The following SORCS2 variants were observed in gnomAD, a reference collection of about 807,000 sequenced individuals.
The protein encoded by SORCS2 is sortilin related VPS10 domain containing receptor 2, also known as VPS10 domain-containing receptor SorCS2.
Under a neutral mutation model 141.6 loss-of-function variants are expected in SORCS2, and 100 were observed. The observed-to-expected ratio is 0.71, with a 90% CI of 0.60 to 0.83. The LOEUF (loss-of-function observed/expected upper bound fraction) is 0.83. SORCS2 is among the 40% of genes least tolerant of loss of function. The pLI, the probability that SORCS2 is intolerant of heterozygous loss-of-function variation, is 0.00. For synonymous variants in SORCS2, 789 were observed against 676.9 expected (o/e 1.17, Z -2.57); for missense variants, 1,646 against 1,560.2 (o/e 1.05, Z -0.93).
Position 7,533,243 on chromosome 4 carries a change from G to C in SORCS2, c.648+1614G>C, listed in dbSNP as rs184558696. Among the ~76,000 whole-genome samples, 318 of 152,308 alleles carry C rather than the reference G, an allele frequency of 2.1e-3. 1 individual carries two copies. Among genetic ancestry groups the C allele is most frequent in the African/African-American group, 7.2e-3 (301 of 41,572 alleles). On this transcript the variant is annotated intron_variant, in intron 3 of 26. Transcript: ENST00000507866. ...GTTGTCCAGGCTTGGCAGCAGTGAGGCCTGTACCTGCTGGAAAACCCAAAC... is the reference window on the plus strand; with the variant it reads ...GTTGTCCAGGCTTGGCAGCAGTGAGCCCTGTACCTGCTGGAAAACCCAAAC...
At chr4:7,278,455 G>A (rs960653980) in intron 1 of SORCS2, among the ~76,000 whole-genome samples, 4 of 152,226 alleles carry the variant, frequency 2.6e-5, no homozygotes, top group Non-Finnish European at 5.9e-5. Context: ...CATGAGGAAG[G>A]CAATTTCCAC....
At chr4:7,358,720 CA>C (rs1258006901) in intron 1 of SORCS2, among the ~76,000 whole-genome samples, 1 of 152,182 alleles carries the variant, frequency 6.6e-6, no homozygotes, top group African/African-American at 2.4e-5. Flanking sequence ...TTCCTAAATA[CA>C]GTTTTTGGAA....
chr4:7,721,186 C>G (rs1462257765), intron 18 of SORCS2, among the ~76,000 whole-genome samples: 1 of 152,180 alleles, frequency 6.6e-6, no homozygotes, highest in Non-Finnish European at 1.5e-5. Context: ...GCAGCAGGGC[C>G]CAGCACGGTG....
rs573731100 is a variant in SORCS2 at position 7,257,775 on chromosome 4, G to T, written c.480+64649G>T. Among the ~76,000 whole-genome samples the T allele has an allele frequency of 9.2e-5, 14 of 152,314 alleles. No individual in the cohort carries two copies. The South Asian group carries it at 2.3e-3, about 25-fold the overall frequency. ...CCCAGCCCCTTGTCCTTCTCTGCCT[G>T]CTCTGTGCCCTGGAGGTGAGTCCAC... On this transcript the variant is annotated intron_variant, in intron 1 of 26. Coordinates refer to ENST00000507866, the MANE Select transcript of SORCS2 (RefSeq NM_020777.3).
chr4:7,311,364 A>C (rs1718173356), intron 1 of SORCS2, among the ~76,000 whole-genome samples: 1 of 152,216 alleles, frequency 6.6e-6, no homozygotes, highest in Non-Finnish European at 1.5e-5. Context: ...TAACAAATGA[A>C]GCTGCTGCCA....
chr4:7,689,169 G>A (rs976876313), intron 10 of SORCS2, among the ~76,000 whole-genome samples: 11 of 152,082 alleles, frequency 7.2e-5, no homozygotes, highest in African/African-American at 2.2e-4. Flanking sequence ...GTGAGCAGAG[G>A]CACCACACCC....
intron 14 of SORCS2, among the ~76,000 whole-genome samples, chr4:7,711,018 G>C (rs1477259061): frequency 6.6e-6 from 1 of 152,220 alleles, no homozygotes; most frequent in East Asian, 1.9e-4. Flanking sequence ...ATGCGGGATG[G>C]AACCAGCCTG....
At chr4:7,449,728 G>T (rs1327194506) in intron 2 of SORCS2, among the ~76,000 whole-genome samples, 1 of 152,106 alleles carries the variant, frequency 6.6e-6, no homozygotes, top group Non-Finnish European at 1.5e-5. Flanking sequence ...CTTCTCAGAA[G>T]ACAGAGTCTG....
chr4:7,280,119 A>G (rs1715772740), intron 1 of SORCS2, among the ~76,000 whole-genome samples: 1 of 152,138 alleles, frequency 6.6e-6, no homozygotes, highest in African/African-American at 2.4e-5. Context: ...TTTGGGTGGC[A>G]TGACTCATAT....
At chr4:7,345,541 A>G (rs1720605897) in intron 1 of SORCS2, among the ~76,000 whole-genome samples, 1 of 152,060 alleles carries the variant, frequency 6.6e-6, no homozygotes, top group Non-Finnish European at 1.5e-5. Flanking sequence ...GACTCCAGTA[A>G]TGCTGCTGGC....
intron 2 of SORCS2, among the ~76,000 whole-genome samples, chr4:7,397,165 G>T (rs537066783): frequency 4.6e-5 from 7 of 152,274 alleles, no homozygotes; most frequent in African/African-American, 1.7e-4. Flanking sequence ...GCCTCTACCT[G>T]CTGATCAGGA....
intron 2 of SORCS2, among the ~76,000 whole-genome samples, chr4:7,414,872 C>T (rs931440478): frequency 1.3e-5 from 2 of 152,044 alleles, no homozygotes; most frequent in Non-Finnish European, 2.9e-5. Flanking sequence ...CAGTTAATTG[C>T]GCTCCTTTGA....
At chr4:7,679,214 G>T (rs1192903493) in intron 9 of SORCS2, among the ~76,000 whole-genome samples, 1 of 152,164 alleles carries the variant, frequency 6.6e-6, no homozygotes, top group East Asian at 1.9e-4. Context: ...CACAACCCAG[G>T]TGTGAGGCAA....
At position 7,403,993 on chromosome 4, in the gene SORCS2, ATATATTTTTTTT is replaced by A. The variant is rs1425314672; in HGVS notation, c.548+7640_548+7651del. 1.4e-3 allele frequency among the ~76,000 whole-genome samples: 11 copies of A among 7,706 alleles called. No homozygotes were observed. In the East Asian group the frequency reaches 0.025, roughly 18 times the overall value. 5.1% of individuals were successfully genotyped at this position (7,706 alleles called of 152,430 possible). A position where few individuals can be genotyped will look rare whatever the true frequency, so the allele number is the denominator to read the frequency against. On this transcript the variant is annotated intron_variant, in intron 2 of 26. Coordinates refer to ENST00000507866, the MANE Select transcript of SORCS2 (RefSeq NM_020777.3). Reference sequence around the variant, plus strand: ...TATATATATATATATATATATATATATATATTTTTTTTTTTTTTTTAGTATCCATTTATGAGT... The same window carrying A: ...TATATATATATATATATATATATATATTTTTTTTAGTATCCATTTATGAGT...
At chr4:7,227,392 T>A (rs770503216) in intron 1 of SORCS2, among the ~76,000 whole-genome samples, 1 of 152,194 alleles carries the variant, frequency 6.6e-6, no homozygotes, top group Non-Finnish European at 1.5e-5. Flanking sequence ...GGGAGCCGCT[T>A]TCTTCTCGAC....
chr4:7,712,760 C>A lies in SORCS2; in HGVS notation c.1896C>A (p.Ser632=), dbSNP rs534523889. 1.2e-5 allele frequency: 20 copies of A among 1,614,026 alleles called. No individual in the cohort carries two copies. The South Asian group carries it at 1.6e-4, about 13-fold the overall frequency. ...TCTTTGGCCACATCAGCTTCCGCTCCGATTGGGAGCTGGTCAAGGTGGACT... is the reference window on the plus strand; with the variant it reads ...TCTTTGGCCACATCAGCTTCCGCTCAGATTGGGAGCTGGTCAAGGTGGACT... ...MTVFGHISFR[S]DWELVKVDFR... is the part of the protein sequence containing the mutation. Residue 632 remains serine (S), a synonymous_variant, in exon 15 of 27, where the codon TCC becomes TCA. Transcript: ENST00000507866.
chr4:7,389,494 G>T (rs1305162120), intron 1 of SORCS2, among the ~76,000 whole-genome samples: 2 of 152,152 alleles, frequency 1.3e-5, no homozygotes, highest in African/African-American at 4.8e-5. Context: ...GGTGAGGAAA[G>T]ACCTCACCAG....
intron 5 of SORCS2, among the ~76,000 whole-genome samples, chr4:7,659,437 T>A (rs769677928): frequency 6.6e-6 from 1 of 152,174 alleles, no homozygotes; most frequent in Non-Finnish European, 1.5e-5. Flanking sequence ...TTCTGTCCCG[T>A]CTCAGGCCTC....
chr4:7,196,290 G>C (rs920062320), intron 1 of SORCS2, among the ~76,000 whole-genome samples: 27 of 152,116 alleles, frequency 1.8e-4, no homozygotes, highest in Non-Finnish European at 3.4e-4. Context: ...TGCATCTCCG[G>C]AGCTGCCCTT....
Sources: gnomAD v4.1 joint callset for allele counts (sites outside exome capture counted in the v4.1 genomes callset) on GRCh38, gnomAD v4.1.1 for gene constraint, MANE v1.5 for transcripts, NCBI Gene and HGNC (gene_info 2026-07-23, HGNC 2026-07-21) for gene names.